Variants in ADAMTSL1 observed in about 807,000 individuals in gnomAD.
ADAMTSL1 encodes the protein ADAMTS-like protein 1.
In ADAMTSL1, 126 loss-of-function variants were observed where a neutral mutation model predicts 201.8. The ratio of observed to expected loss-of-function variants is 0.62; its 90% CI spans 0.54 to 0.72. The LOEUF (loss-of-function observed/expected upper bound fraction) is 0.72, where lower values mean the gene tolerates loss of function less well. Among genes scored for constraint, ADAMTSL1 ranks in the 30% least tolerant of loss-of-function variants. ADAMTSL1 has a pLI of 0.00. For missense variants in ADAMTSL1, 2,679 were observed against 2,277.8 expected (o/e 1.18, Z -3.59); for synonymous variants, 1,121 against 903.4 (o/e 1.24, Z -4.32).
Position 18,312,958 on chromosome 9 carries a change from C to T in ADAMTSL1, c.207+148977C>T, listed in dbSNP as rs78218518. ...GGGGCACTGATTCATTTACATTTGG[C>T]CAAAGACCTGGATTAAAAGTATAGT... On this transcript the variant is annotated intron_variant, in intron 2 of 29. Coordinates refer to the ADAMTSL1 transcript ENST00000680146. Among the ~76,000 whole-genome samples the T allele has an allele frequency of 8.3e-4, 126 of 152,274 alleles. 2 individuals carry two copies. In the East Asian group the frequency reaches 0.023, roughly 27 times the overall value.
intron 3 of ADAMTSL1, among the ~76,000 whole-genome samples, chr9:18,561,147 C>A (rs1161072586): frequency 6.6e-6 from 1 of 152,054 alleles, no homozygotes; most frequent in East Asian, 1.9e-4. Context: ...TAGATCTTTC[C>A]CACTTTCTCC....
At chr9:17,957,985 C>A (rs1827995826) in intron 1 of ADAMTSL1, among the ~76,000 whole-genome samples, 2 of 152,166 alleles carry the variant, frequency 1.3e-5, no homozygotes, top group Non-Finnish European at 2.9e-5. Flanking sequence ...TGAAGCCTCC[C>A]AGTTTGTGGT....
At chr9:18,808,796 C>T (rs1274466948) in intron 20 of ADAMTSL1, among the ~76,000 whole-genome samples, 2 of 152,202 alleles carry the variant, frequency 1.3e-5, no homozygotes, top group Non-Finnish European at 2.9e-5. Context: ...CTATCACAAG[C>T]ACCAGACTTT....
chr9:18,742,812 A>G (rs580578), intron 15 of ADAMTSL1, among the ~76,000 whole-genome samples: 27 of 152,078 alleles, frequency 1.8e-4, no homozygotes, highest in African/African-American at 5.8e-4. Context: ...CAGTTAATAT[A>G]AAATAGAGAC....
intron 26 of ADAMTSL1, among the ~76,000 whole-genome samples, chr9:18,903,242 A>G (rs1231185701): frequency 1.3e-5 from 2 of 152,190 alleles, no homozygotes; most frequent in African/African-American, 4.8e-5. Flanking sequence ...AATCAAAAGT[A>G]AAGTAGACTG....
At chr9:18,836,173 T>G (rs568628896) in intron 23 of ADAMTSL1, among the ~76,000 whole-genome samples, 2 of 152,158 alleles carry the variant, frequency 1.3e-5, no homozygotes, top group Non-Finnish European at 2.9e-5. Flanking sequence ...CATCTGTTGT[T>G]TTTTGATGCT....
intron 23 of ADAMTSL1, among the ~76,000 whole-genome samples, chr9:18,859,656 T>C (rs1197693671): frequency 6.6e-6 from 1 of 152,204 alleles, no homozygotes; most frequent in Non-Finnish European, 1.5e-5. Flanking sequence ...TTTCAAATGA[T>C]ACCTACTGAG....
chr9:18,570,001 G>C (rs561109363), intron 3 of ADAMTSL1, among the ~76,000 whole-genome samples: 261 of 152,180 alleles, frequency 1.7e-3, no homozygotes, highest in African/African-American at 6.1e-3. Context: ...ATATTTCAAA[G>C]ATGATGCCCA....
At chr9:17,984,942 A>G (rs1446946931) in intron 1 of ADAMTSL1, among the ~76,000 whole-genome samples, 1 of 152,136 alleles carries the variant, frequency 6.6e-6, no homozygotes, top group Non-Finnish European at 1.5e-5. Flanking sequence ...TCGTAATATC[A>G]TATCTAATCA....
At chr9:18,675,154 A>G (rs966433823) in intron 9 of ADAMTSL1, among the ~76,000 whole-genome samples, 5 of 152,302 alleles carry the variant, frequency 3.3e-5, no homozygotes, top group Admixed American at 3.3e-4. Context: ...CATCACTGCA[A>G]TAGCAGTTAA....
At chr9:18,235,319 G>A (rs1830805487) in intron 2 of ADAMTSL1, among the ~76,000 whole-genome samples, 1 of 152,138 alleles carries the variant, frequency 6.6e-6, no homozygotes, top group Non-Finnish European at 1.5e-5. Context: ...TTGGGAGGAA[G>A]GCCACAGAAG....
At chr9:18,555,204 T>C (rs2132245482) in intron 3 of ADAMTSL1, among the ~76,000 whole-genome samples, 1 of 151,966 alleles carries the variant, frequency 6.6e-6, no homozygotes. Flanking sequence ...TTGCCGTTCA[T>C]AGACTTTATC....
At chr9:18,342,609 T>G (rs1202834395) in intron 2 of ADAMTSL1, among the ~76,000 whole-genome samples, 1 of 152,134 alleles carries the variant, frequency 6.6e-6, no homozygotes, top group Non-Finnish European at 1.5e-5. Context: ...TTCTAACAGA[T>G]TAGATGATGG....
At chr9:18,737,988 A>T (rs936358246) in intron 15 of ADAMTSL1, among the ~76,000 whole-genome samples, 4 of 152,222 alleles carry the variant, frequency 2.6e-5, no homozygotes, top group African/African-American at 9.6e-5. Context: ...TATCTATAAG[A>T]TAAAGATTTT....
chr9:18,124,571 A>G (rs540954370), intron 1 of ADAMTSL1, among the ~76,000 whole-genome samples: 1 of 152,180 alleles, frequency 6.6e-6, no homozygotes, highest in Admixed American at 6.5e-5. Context: ...TGATGCATAA[A>G]AGTTTTGAAT....
rs562420291 is a variant in ADAMTSL1 at position 18,132,552 on chromosome 9, C to G, written c.88-31310C>G. Among the ~76,000 whole-genome samples the G allele has an allele frequency of 9.2e-5, 14 of 152,292 alleles. No homozygotes were observed. In the South Asian group the frequency reaches 2.9e-3, roughly 32 times the overall value. On this transcript the variant is annotated intron_variant, in intron 1 of 29. Coordinates refer to the ADAMTSL1 transcript ENST00000680146. ...GACAGGTTAGATAAAGCAACCACAA[C>G]CTAGATGGGTTCAACTGTGTACTCA...
intron 2 of ADAMTSL1, among the ~76,000 whole-genome samples, chr9:18,211,097 G>A (rs1829854468): frequency 6.6e-6 from 1 of 152,050 alleles, no homozygotes; most frequent in Non-Finnish European, 1.5e-5. Context: ...TCTAACCCTG[G>A]AGCACTATTT....
chr9:18,074,420 T>G (rs559611042), intron 1 of ADAMTSL1, among the ~76,000 whole-genome samples: 37 of 152,308 alleles, frequency 2.4e-4, no homozygotes, highest in Middle Eastern at 3.4e-3. Context: ...AAGGACTCAT[T>G]CCACTTTGGC....
intron 1 of ADAMTSL1, among the ~76,000 whole-genome samples, chr9:17,968,537 A>G (rs1409428734): frequency 2.0e-5 from 3 of 152,090 alleles, no homozygotes; most frequent in Admixed American, 6.6e-5. Flanking sequence ...TCATCTGGTA[A>G]AGCAGACACT....
Sources: allele counts gnomAD v4.1 joint callset (sites outside exome capture counted in the v4.1 genomes callset), GRCh38; gene constraint gnomAD v4.1.1; transcripts MANE v1.5; gene names NCBI Gene and HGNC (gene_info 2026-07-23, HGNC 2026-07-21).